KCNAB1: variants seen among roughly 807,000 people sequenced by gnomAD.
The protein encoded by KCNAB1 is potassium voltage-gated channel subfamily A regulatory beta subunit 1.
In KCNAB1, 35 loss-of-function variants were observed where a neutral mutation model predicts 64.6. The ratio of observed to expected loss-of-function variants is 0.54; its 90% CI spans 0.41 to 0.72. The LOEUF is 0.72. Ranked by LOEUF, KCNAB1 falls within the 30% of genes least tolerant of loss-of-function variation. KCNAB1 has a pLI of 0.00. For missense variants in KCNAB1, 401 were observed against 512.9 expected, an observed-to-expected ratio of 0.78 and a Z score of 2.11; for synonymous variants, 177 against 183.8, an observed-to-expected ratio of 0.96 and a Z score of 0.30.
Position 156,176,707 on chromosome 3 carries a change from C to T in KCNAB1, c.275+55821C>T, listed in dbSNP as rs1281756721. The T allele has an allele frequency of 5.1e-6, 5 of 981,234 alleles. No individual in the cohort carries two copies. In the East Asian group the frequency reaches 1.2e-4, roughly 23 times the overall value. The allele number at this position is 981,234 out of a possible 1,614,324, so 60.8% of individuals were successfully genotyped here. Reference sequence around the variant, plus strand: ...GGGTGGAACTTGCAGCAGTATACTTCCCCTTCATGTCCAGAGAGCAGCATG... The same window carrying T: ...GGGTGGAACTTGCAGCAGTATACTTTCCCTTCATGTCCAGAGAGCAGCATG... On this transcript the variant is annotated intron_variant, in intron 1 of 13. Coordinates refer to ENST00000490337, the MANE Select transcript of KCNAB1 (RefSeq NM_172160.3).
chr3:156,415,364 C>T (rs990256693), intron 1 of KCNAB1, among the ~76,000 whole-genome samples: 3 of 152,322 alleles, frequency 2.0e-5, no homozygotes, highest in Admixed American at 2.0e-4. Flanking sequence ...TGATTACCTC[C>T]ATTTATGAAT....
chr3:156,251,382 AG>A (rs1250536089), intron 1 of KCNAB1, among the ~76,000 whole-genome samples: 1 of 152,238 alleles, frequency 6.6e-6, no homozygotes, highest in Non-Finnish European at 1.5e-5. Flanking sequence ...GATTCAGGGT[AG>A]GGTGAAAGGA....
chr3:156,242,403 C>A (rs1421545823), intron 1 of KCNAB1, among the ~76,000 whole-genome samples: 1 of 152,122 alleles, frequency 6.6e-6, no homozygotes, highest in East Asian at 1.9e-4. Context: ...TCCAGCAGTA[C>A]ACACTGAACC....
intron 1 of KCNAB1, among the ~76,000 whole-genome samples, chr3:156,122,015 A>G (rs1713372382): frequency 1.3e-5 from 2 of 152,352 alleles, no homozygotes; most frequent in African/African-American, 4.8e-5. Flanking sequence ...AGATATTTTA[A>G]AACCTAAACT....
chr3:156,318,328 C>T (rs1208745076), intron 1 of KCNAB1, among the ~76,000 whole-genome samples: 1 of 152,148 alleles, frequency 6.6e-6, no homozygotes, highest in African/African-American at 2.4e-5. Context: ...TCTGAGGGGT[C>T]ATCACAAACT....
intron 1 of KCNAB1, among the ~76,000 whole-genome samples, chr3:156,185,739 A>AT (rs142995034): frequency 0.017 from 2,505 of 150,254 alleles, 43 homozygotes; most frequent in Non-Finnish European, 0.019. Context: ...TGATAGGAGT[A>AT]TTTTTTTTTT....
At chr3:156,203,212 A>G (rs1041677351) in intron 1 of KCNAB1, among the ~76,000 whole-genome samples, 1 of 152,150 alleles carries the variant, frequency 6.6e-6, no homozygotes, top group African/African-American at 2.4e-5. Context: ...CTGCTTTCCC[A>G]CTGCAGTGGC....
intron 1 of KCNAB1, 84 bp downstream of exon 1, chr3:156,120,970 A>C: frequency 6.6e-7 from 1 of 1,509,932 alleles, no homozygotes; most frequent in Non-Finnish European, 8.9e-7. Context: ...TTTCCTCTGC[A>C]GCTGGAAGTC....
At chr3:156,409,288 G>GA (rs1336884326) in intron 1 of KCNAB1, among the ~76,000 whole-genome samples, 7 of 152,096 alleles carry the variant, frequency 4.6e-5, no homozygotes, top group Non-Finnish European at 8.8e-5. Context: ...TTAACCAACT[G>GA]GAATTAATTA....
At chr3:156,439,065 C>G (rs1232246964) in intron 2 of KCNAB1, among the ~76,000 whole-genome samples, 1 of 151,852 alleles carries the variant, frequency 6.6e-6, no homozygotes, top group African/African-American at 2.4e-5. Flanking sequence ...TGTCATCAGA[C>G]TACCTGGACT....
intron 1 of KCNAB1, among the ~76,000 whole-genome samples, chr3:156,328,016 C>T (rs573822874): frequency 1.3e-5 from 2 of 152,238 alleles, no homozygotes; most frequent in Admixed American, 1.3e-4. Context: ...GCTCCCTACA[C>T]CTGCCCACCA....
intron 1 of KCNAB1, among the ~76,000 whole-genome samples, chr3:156,149,879 G>T (rs1264593426): frequency 6.6e-6 from 1 of 152,134 alleles, no homozygotes; most frequent in African/African-American, 2.4e-5. Context: ...GTGTTCTTGT[G>T]ACCTGCCCTT....
chr3:156,371,072 G>A (rs1229618255), intron 1 of KCNAB1, among the ~76,000 whole-genome samples: 2 of 152,182 alleles, frequency 1.3e-5, no homozygotes. Flanking sequence ...ATGAATCTCA[G>A]CATTGGCCAC....
At chr3:156,340,125 G>A (rs551332007) in intron 1 of KCNAB1, among the ~76,000 whole-genome samples, 3 of 152,258 alleles carry the variant, frequency 2.0e-5, no homozygotes, top group South Asian at 4.2e-4. Flanking sequence ...GGGATCCACA[G>A]AGAATCATAC....
intron 8 of KCNAB1, among the ~76,000 whole-genome samples, chr3:156,485,093 T>G (rs766290231): frequency 5.3e-5 from 8 of 152,148 alleles, no homozygotes; most frequent in Non-Finnish European, 1.2e-4. Flanking sequence ...TTACATATGT[T>G]TACACTTTTA....
chr3:156,203,241 T>C (rs1296583835), intron 1 of KCNAB1, among the ~76,000 whole-genome samples: 2 of 152,338 alleles, frequency 1.3e-5, no homozygotes, highest in East Asian at 1.9e-4. Context: ...GTAGTTGCAA[T>C]AGAGATTGTA....
intron 1 of KCNAB1, among the ~76,000 whole-genome samples, chr3:156,177,720 A>T (rs551892248): frequency 6.6e-6 from 1 of 150,540 alleles, no homozygotes; most frequent in African/African-American, 2.4e-5. Flanking sequence ...GTGGATCCTC[A>T]TCTCATTTAA....
intron 2 of KCNAB1, among the ~76,000 whole-genome samples, chr3:156,450,690 C>G (rs1387964447): frequency 3.3e-5 from 5 of 152,172 alleles, no homozygotes; most frequent in Admixed American, 2.6e-4. Context: ...CACAGCAACT[C>G]ACTTATTTTA....
chr3:156,527,627 A>T (rs1468286040), intron 12 of KCNAB1, among the ~76,000 whole-genome samples: 1 of 152,184 alleles, frequency 6.6e-6, no homozygotes, highest in African/African-American at 2.4e-5. Flanking sequence ...ACAGGATCTG[A>T]GTTTAAATTA....
Sources: allele counts gnomAD v4.1 joint callset (sites outside exome capture counted in the v4.1 genomes callset), GRCh38; gene constraint gnomAD v4.1.1; transcripts MANE v1.5; gene names NCBI Gene and HGNC (gene_info 2026-07-23, HGNC 2026-07-21).